Variants in TBCA observed in about 807,000 individuals in gnomAD.
TBCA encodes the protein tubulin folding cofactor A.
In TBCA, 6 loss-of-function variants were observed where a neutral mutation model predicts 15.8. The ratio of observed to expected loss-of-function variants is 0.38; its 90% CI spans 0.21 to 0.75. The LOEUF is 0.75. TBCA is among the 30% of genes least tolerant of loss of function. The pLI is 0.46. For synonymous variants in TBCA, 32 were observed against 42.3 expected, an observed-to-expected ratio of 0.76 and a Z score of 0.94; for missense variants, 90 against 131.2, an observed-to-expected ratio of 0.69 and a Z score of 1.53.
At chr5:77,712,412 T>C (rs1746299243) in intron 1 of TBCA, among the ~76,000 whole-genome samples, 1 of 152,200 alleles carries the variant, frequency 6.6e-6, no homozygotes, top group Non-Finnish European at 1.5e-5. Context: ...ACTGGATAAA[T>C]ATTTGTTGAA....
chr5:77,733,152 A>G (rs1467213820), intron 1 of TBCA, among the ~76,000 whole-genome samples: 1 of 152,160 alleles, frequency 6.6e-6, no homozygotes, highest in African/African-American at 2.4e-5. Flanking sequence ...ATCGTGGCAC[A>G]TGCCTGTAAT....
At chr5:77,763,252 TAAATAAATA>T (rs1016594309) in intron 1 of TBCA, among the ~76,000 whole-genome samples, 7 of 151,542 alleles carry the variant, frequency 4.6e-5, no homozygotes, top group Admixed American at 1.3e-4. Flanking sequence ...TCAAAAAAAA[TAAATAAATA>T]AAATAAATAA....
At chr5:77,772,035 A>G (rs1220102204) in intron 1 of TBCA, among the ~76,000 whole-genome samples, 3 of 152,142 alleles carry the variant, frequency 2.0e-5, no homozygotes, top group Non-Finnish European at 4.4e-5. Flanking sequence ...AAAGAGTGTC[A>G]AGAACAGATT....
rs1745748381 is a variant in TBCA, at chr5:77,691,493, A to T, written c.252T>A (p.Asn84Lys). The T allele has an allele frequency of 6.3e-7, 1 of 1,588,420 alleles. No individual in the cohort carries two copies. Among genetic ancestry groups the T allele is most frequent in the Admixed American group, 1.9e-5 (1 of 52,406 alleles). ...CCTCAGCTTCTTCCAAGTCTTTTTC[A>T]TTTTCCTAAAATGAAATACAATAAA... ...AYLDLQRILENEKDLEEAEEY... is the reference protein window; with the variant it reads ...AYLDLQRILEKEKDLEEAEEY... The change falls in exon 4 of 4, where the codon AAT (asparagine) becomes AAA (lysine). Residue 84 changes from asparagine to lysine, a missense_variant. Asn to Lys is a moderately conservative substitution (Grantham distance 94). Transcript: ENST00000380377.
At chr5:77,741,714 T>C (rs1747036569) in intron 1 of TBCA, among the ~76,000 whole-genome samples, 1 of 152,104 alleles carries the variant, frequency 6.6e-6, no homozygotes, top group Non-Finnish European at 1.5e-5. Context: ...TATTCAGAAG[T>C]TGATATATTT....
At chr5:77,744,478 T>A (rs1384594977) in intron 1 of TBCA, among the ~76,000 whole-genome samples, 4 of 150,620 alleles carry the variant, frequency 2.7e-5, no homozygotes, top group Non-Finnish European at 5.9e-5. Flanking sequence ...AAGCATTCTG[T>A]CCTTAACTAC....
intron 1 of TBCA, among the ~76,000 whole-genome samples, chr5:77,770,832 CTT>C (rs1747890808): frequency 6.6e-6 from 1 of 152,026 alleles, no homozygotes; most frequent in South Asian, 2.1e-4. Context: ...CTCAAAGAAA[CTT>C]AGTATAATAA....
chr5:77,747,118 C>T (rs1303111335), intron 1 of TBCA, among the ~76,000 whole-genome samples: 3 of 151,748 alleles, frequency 2.0e-5, no homozygotes, highest in Admixed American at 6.6e-5. Context: ...TTTAAAAATC[C>T]TCCTTCCTCA....
At chr5:77,741,208 G>C (rs1405138701) in intron 1 of TBCA, among the ~76,000 whole-genome samples, 6 of 152,166 alleles carry the variant, frequency 3.9e-5, no homozygotes, top group Admixed American at 3.9e-4. Context: ...TAATTCCTTT[G>C]CCAAGTGTGG....
At chr5:77,740,733 G>A (rs546368904) in intron 1 of TBCA, among the ~76,000 whole-genome samples, 16 of 152,300 alleles carry the variant, frequency 1.1e-4, no homozygotes, top group African/African-American at 2.4e-5. Flanking sequence ...ATTGATAACT[G>A]AGGTCATGAG....
intron 3 of TBCA, chr5:77,692,803 C>G (rs1745784522): frequency 9.5e-7 from 1 of 1,051,018 alleles, no homozygotes; most frequent in Non-Finnish European, 1.1e-6. Flanking sequence ...TATGAGGGGA[C>G]TACATAGATT....
At chr5:77,703,446 T>C (rs2112432061) in intron 2 of TBCA, among the ~76,000 whole-genome samples, 1 of 152,272 alleles carries the variant, frequency 6.6e-6, no homozygotes, top group Non-Finnish European at 1.5e-5. Flanking sequence ...AAAATCAATT[T>C]GGGCAATATT....
chr5:77,708,107 A>G, intron 2 of TBCA, 135 bp downstream of exon 2: 1 of 599,554 alleles, frequency 1.7e-6, no homozygotes, highest in East Asian at 3.0e-5. Context: ...GAGTTTCCTT[A>G]TCTTTAAATG....
intron 1 of TBCA, among the ~76,000 whole-genome samples, chr5:77,753,208 T>C (rs116555904): frequency 7.9e-4 from 121 of 152,330 alleles, no homozygotes; most frequent in African/African-American, 2.7e-3. Context: ...GAAGAGAATT[T>C]TGAGATCAAA....
At chr5:77,712,582 A>C (rs1290158430) in intron 1 of TBCA, among the ~76,000 whole-genome samples, 15 of 152,156 alleles carry the variant, frequency 9.9e-5, no homozygotes, top group Admixed American at 9.8e-4. Flanking sequence ...TTATAAAAAA[A>C]CAAAATTTTA....
At chr5:77,738,811 G>C (rs911312939) in intron 1 of TBCA, among the ~76,000 whole-genome samples, 3 of 152,134 alleles carry the variant, frequency 2.0e-5, no homozygotes, top group African/African-American at 7.2e-5. Flanking sequence ...TCAAACTCCT[G>C]ACCTCAGGTG....
At chr5:77,726,587 T>C (rs922493899) in intron 1 of TBCA, among the ~76,000 whole-genome samples, 2 of 152,212 alleles carry the variant, frequency 1.3e-5, no homozygotes. Flanking sequence ...TAGTATCCAT[T>C]CCAGTGTCAA....
chr5:77,729,889 T>C (rs1746725162), intron 1 of TBCA, among the ~76,000 whole-genome samples: 2 of 152,234 alleles, frequency 1.3e-5, no homozygotes, highest in African/African-American at 2.4e-5. Context: ...ATTCTCTCTT[T>C]AAGATATTTT....
At chr5:77,762,600 G>A (rs1747667961) in intron 1 of TBCA, among the ~76,000 whole-genome samples, 1 of 152,110 alleles carries the variant, frequency 6.6e-6, no homozygotes, top group Non-Finnish European at 1.5e-5. Flanking sequence ...GGTACCATAA[G>A]TCTAATTAAC....
Sources: gnomAD v4.1 joint callset for allele counts (sites outside exome capture counted in the v4.1 genomes callset) on GRCh38, gnomAD v4.1.1 for gene constraint, MANE v1.5 for transcripts, NCBI Gene and HGNC (gene_info 2026-07-23, HGNC 2026-07-21) for gene names.